VWA8: variants seen among roughly 807,000 people sequenced by gnomAD.
The protein encoded by VWA8 is von Willebrand factor A domain containing 8, also known as von Willebrand factor A domain-containing protein 8.
A neutral mutation model predicts 241.5 loss-of-function variants in VWA8; 221 were observed. The observed-to-expected ratio is 0.91, with a 90% CI of 0.82 to 1.02. The LOEUF (loss-of-function observed/expected upper bound fraction) is 1.02, where lower values mean the gene tolerates loss of function less well. Among genes scored for constraint, VWA8 ranks in the 50% least tolerant of loss-of-function variants. The pLI, the probability that VWA8 is intolerant of heterozygous loss-of-function variation, is 0.00. For synonymous variants in VWA8, 852 were observed against 827.1 expected (o/e 1.03, Z -0.52); for missense variants, 2,322 against 2,328.7 (o/e 1.00, Z 0.06).
intron 2 of VWA8, among the ~76,000 whole-genome samples, chr13:41,914,286 C>T (rs1399491927): frequency 1.3e-5 from 2 of 152,122 alleles, no homozygotes; most frequent in South Asian, 2.1e-4. Context: ...AGAAAATATC[C>T]GCAGGAGAGT....
At chr13:41,821,481 A>G (rs1362280578) in intron 14 of VWA8, among the ~76,000 whole-genome samples, 2 of 152,144 alleles carry the variant, frequency 1.3e-5, no homozygotes, top group Non-Finnish European at 2.9e-5. Flanking sequence ...AAAGTTAGAG[A>G]GCAGAGGATC....
intron 14 of VWA8, among the ~76,000 whole-genome samples, chr13:41,820,553 T>C (rs1870908302): frequency 6.6e-6 from 1 of 152,210 alleles, no homozygotes; most frequent in Non-Finnish European, 1.5e-5. Flanking sequence ...AAGGCCTAGA[T>C]GAAATGAATT....
At chr13:41,899,721 G>A (rs1292416565) in intron 4 of VWA8, among the ~76,000 whole-genome samples, 1 of 152,094 alleles carries the variant, frequency 6.6e-6, no homozygotes, top group Non-Finnish European at 1.5e-5. Context: ...TTAAAAATAA[G>A]CAACTGAATA....
chr13:41,719,228 C>T (rs1316495039), intron 26 of VWA8: 3 of 523,860 alleles, frequency 5.7e-6, no homozygotes, highest in Non-Finnish European at 7.5e-6. Context: ...AAGAACATAT[C>T]AACTAAATGT....
At chr13:41,897,866 G>C (rs868622103) in intron 4 of VWA8, among the ~76,000 whole-genome samples, 3 of 152,076 alleles carry the variant, frequency 2.0e-5, no homozygotes, top group South Asian at 2.1e-4. Context: ...TGCTGGCTCC[G>C]GCAGCCTGCT....
intron 21 of VWA8, among the ~76,000 whole-genome samples, chr13:41,740,842 T>C (rs1222010815): frequency 6.6e-6 from 1 of 152,164 alleles, no homozygotes; most frequent in Non-Finnish European, 1.5e-5. Context: ...CTGCAATTTA[T>C]TTAAGATTAC....
chr13:41,704,714 C>T lies in VWA8; in HGVS notation c.3117-1303G>A, dbSNP rs139205865. 5.0e-3 allele frequency among the ~76,000 whole-genome samples: 763 copies of T among 152,232 alleles called. 5 individuals are homozygous for T. The highest frequency in any genetic ancestry group is 0.018 in the African/African-American group (743 of 41,548). ...AAACTCCTGGACTGAAGTGATCCTC[C>T]TGCTTCAGCCTCCGAAAGTGCTGGG... On this transcript the variant is annotated intron_variant, in intron 26 of 44. Coordinates refer to ENST00000379310, the MANE Select transcript of VWA8 (RefSeq NM_015058.2).
At chr13:41,838,552 A>G (rs942981187) in intron 12 of VWA8, among the ~76,000 whole-genome samples, 19 of 152,172 alleles carry the variant, frequency 1.2e-4, no homozygotes, top group Admixed American at 1.1e-3. Flanking sequence ...TATAAACCCA[A>G]CAGTTTCAGA....
chr13:41,953,750 A>G (rs781572460), intron 1 of VWA8, among the ~76,000 whole-genome samples: 37 of 152,318 alleles, frequency 2.4e-4, no homozygotes, highest in Non-Finnish European at 3.2e-4. Flanking sequence ...CGGAGGTTGC[A>G]GTGAGCCGAG....
In VWA8 at chr13:41,671,030, C is replaced by G; in HGVS notation, c.4527G>C (p.Arg1509Ser). Residue 1509 changes from arginine to serine, a missense_variant, in exon 37 of 45, where the codon AGG becomes AGC. Transcript: ENST00000379310. ...VVTVDMGGHI[R>S]LWETGLERLQ... ...GACGTTCAAGTCCAGTTTCCCAAAG[C>G]CTGATGTGACCTCCCATATCAACAG... 1.9e-6 allele frequency: 3 copies of G among 1,614,012 alleles called. No homozygotes were observed. The highest frequency in any genetic ancestry group is 1.7e-6 in the Non-Finnish European group (2 of 1,179,902).
At chr13:41,861,338 T>C (rs1251570604) in intron 12 of VWA8, among the ~76,000 whole-genome samples, 2 of 152,146 alleles carry the variant, frequency 1.3e-5, no homozygotes, top group Non-Finnish European at 2.9e-5. Context: ...GTAAGGACCA[T>C]AGCCAACATC....
intron 12 of VWA8, among the ~76,000 whole-genome samples, chr13:41,835,332 A>T (rs967267747): frequency 6.6e-6 from 1 of 152,232 alleles, no homozygotes; most frequent in Non-Finnish European, 1.5e-5. Context: ...GAAAAACAGT[A>T]ACATTCAAAC....
rs186385007 is a variant in VWA8, at chr13:41,662,433, T to C, written c.4611+8513A>G. Among the ~76,000 whole-genome samples the C allele has an allele frequency of 4.0e-3, 608 of 152,146 alleles. 4 individuals carry two copies. The highest frequency in any genetic ancestry group is 0.017 in the Middle Eastern group (5 of 294). On this transcript the variant is annotated intron_variant, in intron 37 of 44. Coordinates refer to ENST00000379310, the MANE Select transcript of VWA8 (RefSeq NM_015058.2). ...AAATGGTAGATGTATTTTTAAATTT[T>C]AATTGTTAGTTATCAATTGTTAGTA...
In VWA8 at chr13:41,692,964, A is replaced by G. The variant is rs1293482970; in HGVS notation, c.3573T>C (p.Val1191=). The G allele has an allele frequency of 6.2e-7, 1 of 1,604,570 alleles. No homozygotes were observed. Among genetic ancestry groups the G allele is most frequent in the Admixed American group, 1.7e-5 (1 of 58,952 alleles). ...QVVLHEQQSN[V]ILLLDTTGRA... ...GGCCAGTAGTATCTAACAACAGGAT[A>G]ACATTACTCTGCAAATGATAAAAAC... The change falls in exon 30 of 45, where the codon GTT becomes GTC. Residue 1191 remains valine, a synonymous_variant. Transcript: ENST00000379310.
At chr13:41,605,108 T>G in intron 40 of VWA8, 60 bp downstream of exon 40, 1 of 1,537,416 alleles carries the variant, frequency 6.5e-7, no homozygotes, top group Non-Finnish European at 8.9e-7. Context: ...CTCCAAGACT[T>G]TAGGAATGTG....
At chr13:41,856,003 T>C (rs563495783) in intron 12 of VWA8, among the ~76,000 whole-genome samples, 3 of 152,314 alleles carry the variant, frequency 2.0e-5, no homozygotes, top group South Asian at 4.1e-4. Flanking sequence ...AACCCTGATA[T>C]ATGGTAATAT....
In VWA8 at chr13:41,701,454, C is replaced by T; in HGVS notation, c.3302G>A (p.Cys1101Tyr). 1 of 1,612,420 alleles carries T rather than the reference C, an allele frequency of 6.2e-7. No homozygotes were observed. Among genetic ancestry groups the T allele is most frequent in the Non-Finnish European group, 8.5e-7 (1 of 1,179,232 alleles). Residue 1101 changes from cysteine to tyrosine, a missense_variant, in exon 28 of 45, where the codon TGT becomes TAT. Coordinates refer to ENST00000379310, the MANE Select transcript of VWA8 (RefSeq NM_015058.2). Reference protein sequence around the residue: ...EERSLNFTEECASWRIPLDEI... With the variant: ...EERSLNFTEEYASWRIPLDEI... ...ATCCAATGGTATTCTCCATGAGGCA[C>T]ATTCTTCAGTAAAGTTTAGGGATCT...
chr13:41,571,999 G>A (rs1314266209), intron 43 of VWA8, among the ~76,000 whole-genome samples: 1 of 150,526 alleles, frequency 6.6e-6, no homozygotes, highest in African/African-American at 2.5e-5. Flanking sequence ...GCCCGGTGGC[G>A]ACCCCGTCTG....
chr13:41,814,015 T>A (rs1870583837), intron 16 of VWA8, among the ~76,000 whole-genome samples: 1 of 152,120 alleles, frequency 6.6e-6, no homozygotes, highest in African/African-American at 2.4e-5. Context: ...AACATAAAGG[T>A]TCTCATCAGA....
Sources: gnomAD v4.1 joint callset for allele counts (sites outside exome capture counted in the v4.1 genomes callset) on GRCh38, gnomAD v4.1.1 for gene constraint, MANE v1.5 for transcripts, NCBI Gene and HGNC (gene_info 2026-07-23, HGNC 2026-07-21) for gene names.